HOOK3: variants seen among roughly 807,000 people sequenced by gnomAD.
HOOK3 encodes protein Hook homolog 3.
A neutral mutation model predicts 116.3 loss-of-function variants in HOOK3; 24 were observed. The observed-to-expected ratio is 0.21, with a 90% confidence interval of 0.15 to 0.29. The LOEUF (loss-of-function observed/expected upper bound fraction) is 0.29, where lower values mean the gene tolerates loss of function less well. Ranked by LOEUF, HOOK3 falls within the 10% of genes least tolerant of loss-of-function variation. The pLI, the probability that HOOK3 is intolerant of heterozygous loss-of-function variation, is 1.00. For synonymous variants in HOOK3, 275 were observed against 283.0 expected, an observed-to-expected ratio of 0.97 and a Z score of 0.28; for missense variants, 632 against 830.2, an observed-to-expected ratio of 0.76 and a Z score of 2.93.
chr8:42,959,532 A>G (rs1808497887), intron 8 of HOOK3, among the ~76,000 whole-genome samples: 1 of 152,020 alleles, frequency 6.6e-6, no homozygotes, highest in Non-Finnish European at 1.5e-5. Flanking sequence ...CAGCCTGGCC[A>G]ACATGGTGAA....
intron 5 of HOOK3, among the ~76,000 whole-genome samples, chr8:42,949,675 T>G (rs1292462623): frequency 2.0e-5 from 3 of 152,114 alleles, no homozygotes; most frequent in Non-Finnish European, 4.4e-5. Flanking sequence ...ATCCCAGCAC[T>G]TTGGGAGGCC....
chr8:42,974,855 C>A (rs1047138782), intron 13 of HOOK3, among the ~76,000 whole-genome samples: 11 of 152,316 alleles, frequency 7.2e-5, no homozygotes, highest in Non-Finnish European at 1.3e-4. Context: ...AGGACCGTGC[C>A]CCCTTATTTT....
At chr8:42,948,168 C>A (rs1808270972) in intron 5 of HOOK3, among the ~76,000 whole-genome samples, 2 of 152,140 alleles carry the variant, frequency 1.3e-5, no homozygotes, top group African/African-American at 2.4e-5. Context: ...TTGCCCAATA[C>A]TTCCTACCTG....
At chr8:42,909,587 C>T (rs1563288665) in intron 2 of HOOK3, among the ~76,000 whole-genome samples, 1 of 152,160 alleles carries the variant, frequency 6.6e-6, no homozygotes, top group Non-Finnish European at 1.5e-5. Flanking sequence ...CCATAGTCTC[C>T]CTTGTAGCTT....
Position 42,897,124 on chromosome 8 carries a change from CG to C in HOOK3, c.-4del. ...GGCGGTAGGCGCTGCCTGGCCGCGG[CG>C]GGGAAGATGTTCAGCGTAGAGTCGC... On this transcript the variant is annotated 5_prime_UTR_variant, in exon 1 of 22. Transcript: ENST00000307602. The C allele has an allele frequency of 8.0e-7, 1 of 1,244,940 alleles. No individual in the cohort carries two copies. Among genetic ancestry groups the C allele is most frequent in the Non-Finnish European group, 1.0e-6 (1 of 989,312 alleles). The allele number at this position is 1,244,940 out of a possible 1,614,324, so 77.1% of individuals were successfully genotyped here. A position where few individuals can be genotyped will look rare whatever the true frequency, so the allele number is the denominator to read the frequency against.
intron 3 of HOOK3, among the ~76,000 whole-genome samples, chr8:42,926,687 G>C (rs72644062): frequency 6.6e-6 from 1 of 152,152 alleles, no homozygotes; most frequent in South Asian, 2.1e-4. Context: ...AACATCTTGC[G>C]TAACTATAAT....
chr8:43,027,433 G>A lies in HOOK3; in HGVS notation c.*8935G>A. Reference sequence around the variant, plus strand: ...TGTCATTTGTTCTGTTTGTAGATGAGAGACATGCTTTTAAAGTACAAAACG... The same window carrying A: ...TGTCATTTGTTCTGTTTGTAGATGAAAGACATGCTTTTAAAGTACAAAACG... On this transcript the variant is annotated 3_prime_UTR_variant, in exon 22 of 22. Transcript: ENST00000307602. 2.1e-6 allele frequency: 1 copy of A among 478,918 alleles called. No individual in the cohort carries two copies. The highest frequency in any genetic ancestry group is 4.1e-6 in the Non-Finnish European group (1 of 244,314). The allele number at this position is 478,918 out of a possible 1,614,324, so 29.7% of individuals were successfully genotyped here. A position where few individuals can be genotyped will look rare whatever the true frequency, so the allele number is the denominator to read the frequency against.
chr8:42,908,189 A>T (rs1807352772), intron 2 of HOOK3, among the ~76,000 whole-genome samples: 1 of 152,242 alleles, frequency 6.6e-6, no homozygotes, highest in East Asian at 1.9e-4. Flanking sequence ...TAAAGGAAAG[A>T]TACTCTGTAT....
intron 2 of HOOK3, among the ~76,000 whole-genome samples, chr8:42,909,256 T>C (rs1297207627): frequency 6.6e-6 from 1 of 152,128 alleles, no homozygotes; most frequent in African/African-American, 2.4e-5. Context: ...AAGCTAAAAA[T>C]AGAATTACCA....
chr8:42,901,437 T>C (rs1433572405), intron 1 of HOOK3, among the ~76,000 whole-genome samples: 1 of 152,210 alleles, frequency 6.6e-6, no homozygotes, highest in East Asian at 1.9e-4. Context: ...CCTTTTAAAG[T>C]GTATAATTTT....
rs1301408011 is a variant in HOOK3, at chr8:42,964,163, CG to C, written c.616-147del. ...CGGAGCTTTCAGTGAGCCGAGATTGCGCCACTGCACTCCAGCCTGGGCGACA... is the reference window on the plus strand; with the variant it reads ...CGGAGCTTTCAGTGAGCCGAGATTGCCCACTGCACTCCAGCCTGGGCGACA... On this transcript the variant is annotated intron_variant, in intron 8 of 21. Coordinates refer to ENST00000307602, the MANE Select transcript of HOOK3 (RefSeq NM_032410.4). The C allele has an allele frequency of 1.8e-5, 12 of 685,488 alleles. No individual in the cohort carries two copies. In the East Asian group the frequency reaches 3.5e-4, roughly 20 times the overall value. 42.5% of individuals were successfully genotyped at this position (685,488 alleles called of 1,614,324 possible).
At chr8:42,992,109 A>T (rs993396105) in intron 15 of HOOK3, among the ~76,000 whole-genome samples, 1 of 152,086 alleles carries the variant, frequency 6.6e-6, no homozygotes, top group Non-Finnish European at 1.5e-5. Flanking sequence ...TAGAAATGTT[A>T]CTGATTTTTG....
chr8:42,945,961 A>G (rs915672805), intron 5 of HOOK3, among the ~76,000 whole-genome samples: 4 of 152,160 alleles, frequency 2.6e-5, no homozygotes, highest in African/African-American at 9.7e-5. Flanking sequence ...GTGCTTATCT[A>G]ATCTTAAATA....
intron 17 of HOOK3, among the ~76,000 whole-genome samples, chr8:43,006,472 A>G (rs1809492370): frequency 6.6e-6 from 1 of 151,630 alleles, no homozygotes; most frequent in Non-Finnish European, 1.5e-5. Flanking sequence ...ACAGGCAAAC[A>G]CCACCATGCC....
At chr8:42,981,399 T>C (rs754543779) in intron 13 of HOOK3, among the ~76,000 whole-genome samples, 1 of 152,160 alleles carries the variant, frequency 6.6e-6, no homozygotes, top group African/African-American at 2.4e-5. Flanking sequence ...TATTCTGTTA[T>C]AAGCAACAGA....
chr8:42,933,381 G>T (rs1225549985), intron 4 of HOOK3, among the ~76,000 whole-genome samples: 1 of 152,130 alleles, frequency 6.6e-6, no homozygotes, highest in African/African-American at 2.4e-5. Context: ...CAGATTTTTG[G>T]AAAGGTAACA....
At chr8:42,983,480 A>T (rs1180334607) in intron 14 of HOOK3, among the ~76,000 whole-genome samples, 1 of 152,036 alleles carries the variant, frequency 6.6e-6, no homozygotes, top group Non-Finnish European at 1.5e-5. Context: ...CATTTTAAAA[A>T]TTCCATTTAT....
intron 17 of HOOK3, among the ~76,000 whole-genome samples, chr8:43,005,633 C>A (rs945276569): frequency 1.3e-5 from 2 of 152,064 alleles, no homozygotes; most frequent in Non-Finnish European, 2.9e-5. Flanking sequence ...TAGAGACATG[C>A]ATGACTACTA....
At chr8:43,000,182 T>C in intron 16 of HOOK3, 1 of 780,938 alleles carries the variant, frequency 1.3e-6, no homozygotes, top group African/African-American at 1.8e-5. Context: ...CTTCTGTTCA[T>C]GAATTACTAA....
Sources: allele counts gnomAD v4.1 joint callset (sites outside exome capture counted in the v4.1 genomes callset), GRCh38; gene constraint gnomAD v4.1.1; transcripts MANE v1.5; gene names NCBI Gene and HGNC (gene_info 2026-07-23, HGNC 2026-07-21).